SNTG1: variants seen among roughly 807,000 people sequenced by gnomAD.
SNTG1 encodes the protein syntrophin gamma 1.
A neutral mutation model predicts 74.7 loss-of-function variants in SNTG1; 39 were observed. The ratio of observed to expected loss-of-function variants is 0.52; its 90% CI spans 0.40 to 0.68. SNTG1 has a LOEUF of 0.68. Ranked by LOEUF, SNTG1 falls within the 30% of genes least tolerant of loss-of-function variation. The probability of loss-of-function intolerance (pLI) is 0.00; values close to 1 mark genes in which losing one functional copy is unlikely to be tolerated. For missense variants in SNTG1, 685 were observed against 609.5 expected, an observed-to-expected ratio of 1.12 and a Z score of -1.30; for synonymous variants, 254 against 217.1, an observed-to-expected ratio of 1.17 and a Z score of -1.49.
rs574361201 is a variant in SNTG1, at chr8:50,642,476, G to A, written c.850-14433G>A. On this transcript the variant is annotated intron_variant, in intron 13 of 18. Coordinates refer to ENST00000642720, the MANE Select transcript of SNTG1 (RefSeq NM_018967.5). Reference sequence around the variant, plus strand: ...CCTACAAGGATGTGTGCAACTGAAGGCACATTCCATTTTATCTCATTATCA... The same window carrying A: ...CCTACAAGGATGTGTGCAACTGAAGACACATTCCATTTTATCTCATTATCA... Among the ~76,000 whole-genome samples the A allele has an allele frequency of 3.3e-5, 5 of 152,202 alleles. No homozygotes were observed. In the South Asian group the frequency reaches 8.3e-4, roughly 25 times the overall value.
At chr8:50,484,617 T>A (rs184839829) in intron 8 of SNTG1, among the ~76,000 whole-genome samples, 2 of 149,512 alleles carry the variant, frequency 1.3e-5, no homozygotes, top group Non-Finnish European at 3.0e-5. Flanking sequence ...CCTAGCACTT[T>A]GGGAGGCCGA....
At chr8:50,284,077 T>C (rs1451403352) in intron 2 of SNTG1, among the ~76,000 whole-genome samples, 1 of 152,090 alleles carries the variant, frequency 6.6e-6, no homozygotes, top group East Asian at 1.9e-4. Context: ...TATTTATTCA[T>C]CTTGTCTGTA....
At chr8:50,124,810 A>C (rs1379777905) in intron 1 of SNTG1, among the ~76,000 whole-genome samples, 1 of 141,386 alleles carries the variant, frequency 7.1e-6, no homozygotes, top group Non-Finnish European at 1.6e-5. Context: ...GCTTGTTGCT[A>C]AAATTCGAGT....
chr8:50,370,331 C>T (rs2092238559), intron 2 of SNTG1, among the ~76,000 whole-genome samples: 1 of 152,176 alleles, frequency 6.6e-6, no homozygotes, highest in Admixed American at 6.5e-5. Flanking sequence ...CTTGAACTCC[C>T]AGCCTGTTGA....
chr8:50,602,100 T>C (rs2094779194), intron 13 of SNTG1, among the ~76,000 whole-genome samples: 1 of 152,132 alleles, frequency 6.6e-6, no homozygotes, highest in African/African-American at 2.4e-5. Context: ...ATTGAGAGGT[T>C]AGTCTATTTA....
chr8:50,242,340 T>A (rs573511078), intron 2 of SNTG1, among the ~76,000 whole-genome samples: 4 of 151,562 alleles, frequency 2.6e-5, no homozygotes, highest in African/African-American at 9.7e-5. Context: ...ATCAGCCTGG[T>A]CAACATGGCG....
chr8:50,254,264 C>A (rs1200106016), intron 2 of SNTG1, among the ~76,000 whole-genome samples: 2 of 152,116 alleles, frequency 1.3e-5, no homozygotes, highest in Admixed American at 6.6e-5. Flanking sequence ...ACTATATTCT[C>A]GATCAATACA....
At chr8:50,718,088 A>G (rs2095479131) in intron 17 of SNTG1, among the ~76,000 whole-genome samples, 1 of 152,162 alleles carries the variant, frequency 6.6e-6, no homozygotes, top group Non-Finnish European at 1.5e-5. Flanking sequence ...TAGCAAAGAG[A>G]GTTCAGGATA....
chr8:50,688,076 A>G (rs868430391), intron 15 of SNTG1, among the ~76,000 whole-genome samples: 3 of 152,118 alleles, frequency 2.0e-5, no homozygotes, highest in South Asian at 2.1e-4. Flanking sequence ...GTCTGTCCAT[A>G]TCCTTCACCC....
chr8:50,139,833 G>A (rs1345934458), intron 1 of SNTG1, among the ~76,000 whole-genome samples: 2 of 152,192 alleles, frequency 1.3e-5, no homozygotes, highest in Non-Finnish European at 2.9e-5. Context: ...GTGAGTCACT[G>A]GAATTTAAAG....
At chr8:50,566,553 T>G (rs1218451953) in intron 12 of SNTG1, among the ~76,000 whole-genome samples, 1 of 151,870 alleles carries the variant, frequency 6.6e-6, no homozygotes, top group African/African-American at 2.4e-5. Flanking sequence ...TTATCAAAAT[T>G]TAGGCAGCAT....
At chr8:50,269,740 A>AG (rs1233913663) in intron 2 of SNTG1, among the ~76,000 whole-genome samples, 1 of 152,148 alleles carries the variant, frequency 6.6e-6, no homozygotes, top group Non-Finnish European at 1.5e-5. Context: ...GAAAATAAAG[A>AG]GAAAAAAAAC....
At chr8:50,064,045 A>G (rs1376588953) in intron 1 of SNTG1, among the ~76,000 whole-genome samples, 1 of 152,196 alleles carries the variant, frequency 6.6e-6, no homozygotes, top group African/African-American at 2.4e-5. Flanking sequence ...CTGTCTTCTC[A>G]TATGTAAAAT....
rs1554524893 is a variant in SNTG1 at position 49,938,597 on chromosome 8, C to CTTTTCTTTT, written c.-103+26367_-103+26375dup. 2.2e-3 allele frequency among the ~76,000 whole-genome samples: 70 copies of CTTTTCTTTT among 32,482 alleles called. 5 individuals carry two copies. Among genetic ancestry groups the CTTTTCTTTT allele is most frequent in the South Asian group, 3.8e-3 (2 of 532 alleles). The allele number at this position is 32,482 out of a possible 152,430, so 21.3% of individuals were successfully genotyped here. A position where few individuals can be genotyped will look rare whatever the true frequency, so the allele number is the denominator to read the frequency against. The stretch of plus-strand genomic sequence containing the variant: ...CTTTTCTTTTCTTTTCTTTTCTTTT[C>CTTTTCTTTT]TTTTCTTTTCTTTCTTTCTTTCTTT... On this transcript the variant is annotated intron_variant, in intron 1 of 18. Transcript: ENST00000642720.
chr8:50,777,424 G>GTTA (rs1336694893), intron 18 of SNTG1, among the ~76,000 whole-genome samples: 2 of 149,568 alleles, frequency 1.3e-5, no homozygotes, highest in Non-Finnish European at 3.0e-5. Context: ...TTTTATTTCT[G>GTTA]TTATTATATT....
At chr8:50,594,849 C>G (rs1270079609) in intron 13 of SNTG1, among the ~76,000 whole-genome samples, 1 of 152,086 alleles carries the variant, frequency 6.6e-6, no homozygotes, top group Non-Finnish European at 1.5e-5. Flanking sequence ...TCAAGAAAAA[C>G]AGCTGAGTCT....
intron 11 of SNTG1, among the ~76,000 whole-genome samples, chr8:50,541,330 A>C (rs2094345388): frequency 6.6e-6 from 1 of 151,562 alleles, no homozygotes; most frequent in African/African-American, 2.4e-5. Flanking sequence ...GCATCCACTA[A>C]CGCAGTCAAG....
intron 1 of SNTG1, among the ~76,000 whole-genome samples, chr8:50,108,564 A>T (rs2080467051): frequency 6.6e-6 from 1 of 152,208 alleles, no homozygotes; most frequent in African/African-American, 2.4e-5. Flanking sequence ...TCATGAAGGG[A>T]AAAACCCCCA....
At chr8:50,397,708 A>G (rs1300738119) in intron 3 of SNTG1, among the ~76,000 whole-genome samples, 3 of 152,198 alleles carry the variant, frequency 2.0e-5, no homozygotes, top group Non-Finnish European at 4.4e-5. Flanking sequence ...CTCCAGTGAA[A>G]GATGCCAATA....
Sources: allele counts gnomAD v4.1 joint callset (sites outside exome capture counted in the v4.1 genomes callset), GRCh38; gene constraint gnomAD v4.1.1; transcripts MANE v1.5; gene names NCBI Gene and HGNC (gene_info 2026-07-23, HGNC 2026-07-21).